Variants in RPS6KA5 observed in about 807,000 individuals in gnomAD.
RPS6KA5 encodes the protein ribosomal protein S6 kinase alpha-5.
In RPS6KA5, 27 loss-of-function variants were observed where a neutral mutation model predicts 85.5. That is an observed-to-expected ratio of 0.32 (90% CI 0.23 to 0.44). RPS6KA5 has a LOEUF of 0.44. Among genes scored for constraint, RPS6KA5 ranks in the 20% least tolerant of loss-of-function variants. The pLI is 1.00. For synonymous variants in RPS6KA5, 334 were observed against 348.2 expected (o/e 0.96, Z 0.46); for missense variants, 811 against 980.9 (o/e 0.83, Z 2.31).
At chr14:90,951,258 C>A (rs576402350) in intron 3 of RPS6KA5, among the ~76,000 whole-genome samples, 1 of 151,868 alleles carries the variant, frequency 6.6e-6, no homozygotes, top group African/African-American at 2.4e-5. Context: ...CCGAGGCGGG[C>A]GGGTCACCAG....
chr14:91,042,187 T>C (rs1295722558), intron 1 of RPS6KA5, among the ~76,000 whole-genome samples: 1 of 152,188 alleles, frequency 6.6e-6, no homozygotes, highest in Non-Finnish European at 1.5e-5. Flanking sequence ...ATATACATTT[T>C]GTGTCAACTT....
At chr14:90,967,402 T>C (rs2039120808) in intron 3 of RPS6KA5, among the ~76,000 whole-genome samples, 1 of 152,002 alleles carries the variant, frequency 6.6e-6, no homozygotes, top group Non-Finnish European at 1.5e-5. Context: ...ATTTGTTAAA[T>C]AATAACTAAT....
intron 1 of RPS6KA5, among the ~76,000 whole-genome samples, chr14:91,036,576 C>T (rs1381360520): frequency 6.6e-6 from 1 of 152,124 alleles, no homozygotes; most frequent in Non-Finnish European, 1.5e-5. Flanking sequence ...CATTTACATG[C>T]AGATAATTTA....
At chr14:90,946,994 A>G (rs1433450662) in intron 4 of RPS6KA5, among the ~76,000 whole-genome samples, 2 of 152,216 alleles carry the variant, frequency 1.3e-5, no homozygotes, top group African/African-American at 4.8e-5. Flanking sequence ...TGGAAAAGAA[A>G]GCCAGAGTGC....
At chr14:90,944,898 C>A (rs1451116619) in intron 4 of RPS6KA5, among the ~76,000 whole-genome samples, 1 of 149,804 alleles carries the variant, frequency 6.7e-6, no homozygotes, top group Non-Finnish European at 1.5e-5. Context: ...GGCAACAGAG[C>A]GAGACCATAT....
rs755496923 is a variant in RPS6KA5 at position 90,865,597 on chromosome 14, G to T, written c.*6477C>A. 1.1e-4 allele frequency: 17 copies of T among 152,144 alleles called. No homozygotes were observed. Among genetic ancestry groups the T allele is most frequent in the Non-Finnish European group, 2.4e-4 (16 of 68,028 alleles). 9.4% of individuals were successfully genotyped at this position (152,144 alleles called of 1,614,324 possible). A position where few individuals can be genotyped will look rare whatever the true frequency, so the allele number is the denominator to read the frequency against. On this transcript the variant is annotated 3_prime_UTR_variant, in exon 17 of 17. Transcript: ENST00000614987. Reference sequence around the variant, plus strand: ...CAGACCTGTGCACTTTACACACCATGTTGCAATAACATTTTAAACAATATG... The same window carrying T: ...CAGACCTGTGCACTTTACACACCATTTTGCAATAACATTTTAAACAATATG...
intron 7 of RPS6KA5, among the ~76,000 whole-genome samples, chr14:90,915,757 G>A (rs535752965): frequency 6.6e-6 from 1 of 152,046 alleles, no homozygotes; most frequent in African/African-American, 2.4e-5. Context: ...AGTGAGCCGA[G>A]ATCAGGCCAC....
chr14:90,898,613 A>C (rs2034977266), intron 12 of RPS6KA5, among the ~76,000 whole-genome samples: 1 of 152,224 alleles, frequency 6.6e-6, no homozygotes, highest in African/African-American at 2.4e-5. Flanking sequence ...AAGCACATTC[A>C]GGATTGGTTT....
At chr14:90,893,991 T>C (rs2034695534) in intron 13 of RPS6KA5, 10 of 862,402 alleles carry the variant, frequency 1.2e-5, no homozygotes, top group Non-Finnish European at 1.3e-5. Flanking sequence ...TAGAATTATA[T>C]ACATTTTTAT....
chr14:90,873,677 T>C lies in RPS6KA5; in HGVS notation c.2115A>G (p.Gly705=). ...AGGTATGCACGGCAGCTCCGGAAGA[T>C]CCTAGAATATCCGGAGTCATCAGAG... is the stretch of plus-strand genomic sequence containing the variant. ...SNPLMTPDIL[G]SSGAAVHTCV... is the part of the protein sequence containing the mutation. Residue 705 remains glycine (G), a synonymous_variant, in exon 16 of 17, where the codon GGA becomes GGG. Transcript: ENST00000614987. 1 of 1,614,152 alleles carries C rather than the reference T, an allele frequency of 6.2e-7. No individual in the cohort carries two copies. Among genetic ancestry groups the C allele is most frequent in the Non-Finnish European group, 8.5e-7 (1 of 1,180,008 alleles).
At chr14:90,994,893 T>C (rs1425593626) in intron 2 of RPS6KA5, among the ~76,000 whole-genome samples, 1 of 151,990 alleles carries the variant, frequency 6.6e-6, no homozygotes, top group Non-Finnish European at 1.5e-5. Flanking sequence ...TTTTTGATAG[T>C]AAAATCATGT....
chr14:91,002,698 T>C (rs1178817976), intron 1 of RPS6KA5, among the ~76,000 whole-genome samples: 1 of 152,168 alleles, frequency 6.6e-6, no homozygotes, highest in Non-Finnish European at 1.5e-5. Context: ...CCTTAACCAT[T>C]TTTAAGTATA....
intron 1 of RPS6KA5, among the ~76,000 whole-genome samples, chr14:91,058,208 G>A (rs1480550976): frequency 1.3e-5 from 2 of 151,926 alleles, no homozygotes; most frequent in East Asian, 3.8e-4. Context: ...AGTTGTTCCA[G>A]TGTTCAGTAA....
At chr14:90,941,432 G>A (rs186464970) in intron 5 of RPS6KA5, among the ~76,000 whole-genome samples, 2 of 152,312 alleles carry the variant, frequency 1.3e-5, no homozygotes, top group East Asian at 3.9e-4. Context: ...GTGCTAGAAA[G>A]CCGCCGAGGG....
Position 91,020,614 on chromosome 14 carries a change from T to TTGTGTGTGTGTGTG in RPS6KA5, c.104-19469_104-19456dup, listed in dbSNP as rs71117396. 1.7e-3 allele frequency among the ~76,000 whole-genome samples: 154 copies of TTGTGTGTGTGTGTG among 91,322 alleles called. 10 individuals are homozygous for TTGTGTGTGTGTGTG. The highest frequency in any genetic ancestry group is 0.01 in the East Asian group (28 of 2,720). The allele number at this position is 91,322 out of a possible 152,430, so 59.9% of individuals were successfully genotyped here. A position where few individuals can be genotyped will look rare whatever the true frequency, so the allele number is the denominator to read the frequency against. ...TGTGTATGTGTATGTATATATCCTA[T>TTGTGTGTGTGTGTG]TGTGTGTGTGTGTGTGTGTGTGTGT... On this transcript the variant is annotated intron_variant, in intron 1 of 16. Coordinates refer to ENST00000614987, the MANE Select transcript of RPS6KA5 (RefSeq NM_004755.4).
intron 2 of RPS6KA5, among the ~76,000 whole-genome samples, chr14:91,000,291 A>G (rs1003221840): frequency 2.0e-5 from 3 of 152,192 alleles, no homozygotes; most frequent in African/African-American, 2.4e-5. Flanking sequence ...TTAATCTATT[A>G]TATACATTAT....
At position 90,848,845 on chromosome 14, in the gene RPS6KA5, T is replaced by C. The variant is rs1389982825; in HGVS notation, c.*23229A>G. The C allele has an allele frequency of 6.6e-6, 1 of 152,158 alleles. No homozygotes were observed. Among genetic ancestry groups the C allele is most frequent in the Non-Finnish European group, 1.5e-5 (1 of 68,030 alleles). 9.4% of individuals were successfully genotyped at this position (152,158 alleles called of 1,614,324 possible). On this transcript the variant is annotated 3_prime_UTR_variant, in exon 17 of 17. Coordinates refer to ENST00000614987, the MANE Select transcript of RPS6KA5 (RefSeq NM_004755.4). ...CCCAAAGCAAATCCTATCTATGGAC[T>C]TCATAGAATCCCTTATACTTTGTAA...
intron 1 of RPS6KA5, among the ~76,000 whole-genome samples, chr14:91,003,922 A>C (rs1241698863): frequency 6.6e-6 from 1 of 152,236 alleles, no homozygotes; most frequent in Non-Finnish European, 1.5e-5. Context: ...AAACAATCTT[A>C]AAGGGTATCT....
chr14:90,892,077 C>T (rs980077029), intron 13 of RPS6KA5, among the ~76,000 whole-genome samples: 1 of 151,550 alleles, frequency 6.6e-6, no homozygotes, highest in African/African-American at 2.4e-5. Context: ...TGGCTCACTG[C>T]AACCTCCACC....
Sources: allele counts gnomAD v4.1 joint callset (sites outside exome capture counted in the v4.1 genomes callset), GRCh38; gene constraint gnomAD v4.1.1; transcripts MANE v1.5; gene names NCBI Gene and HGNC (gene_info 2026-07-23, HGNC 2026-07-21).